Variants in ADK observed in about 807,000 individuals in gnomAD.
ADK encodes the protein N6,N6-dimethyladenosine kinase.
ADK carries 24 observed loss-of-function variants against 44.7 expected under a neutral mutation model. The ratio of observed to expected loss-of-function variants is 0.54; its 90% CI spans 0.39 to 0.76. ADK has a LOEUF of 0.76. Among genes scored for constraint, ADK ranks in the 30% least tolerant of loss-of-function variants. The probability of loss-of-function intolerance (pLI) is 0.00; values close to 1 mark genes in which losing one functional copy is unlikely to be tolerated. For missense variants in ADK, 321 were observed against 425.1 expected (o/e 0.76, Z 2.15); for synonymous variants, 128 against 142.6 (o/e 0.90, Z 0.73).
At chr10:74,686,979 A>G (rs1473974780) in intron 10 of ADK, among the ~76,000 whole-genome samples, 2 of 152,134 alleles carry the variant, frequency 1.3e-5, no homozygotes, top group African/African-American at 4.8e-5. Context: ...CCTGGCCGTT[A>G]CTTAACATCT....
chr10:74,385,799 T>C (rs149969787), intron 4 of ADK, among the ~76,000 whole-genome samples: 41 of 152,308 alleles, frequency 2.7e-4, no homozygotes, highest in African/African-American at 8.9e-4. Context: ...GATGAACTTA[T>C]ATATCTGAGT....
At chr10:74,610,605 A>G (rs1002027609) in intron 9 of ADK, among the ~76,000 whole-genome samples, 5 of 152,140 alleles carry the variant, frequency 3.3e-5, no homozygotes, top group African/African-American at 1.2e-4. Flanking sequence ...TTCAATTTAA[A>G]AAAAATTAAA....
chr10:74,470,113 C>T (rs924239885), intron 6 of ADK, among the ~76,000 whole-genome samples: 1 of 151,446 alleles, frequency 6.6e-6, no homozygotes, highest in Admixed American at 6.6e-5. Flanking sequence ...CAACCTCTGC[C>T]TCCTGGATTT....
At chr10:74,226,170 T>A (rs1189633682) in intron 3 of ADK, among the ~76,000 whole-genome samples, 1 of 152,126 alleles carries the variant, frequency 6.6e-6, no homozygotes, top group Non-Finnish European at 1.5e-5. Flanking sequence ...TGTGGTGGCA[T>A]GATCTTGGCT....
chr10:74,611,090 C>T (rs572574759), intron 9 of ADK, among the ~76,000 whole-genome samples: 1 of 152,214 alleles, frequency 6.6e-6, no homozygotes, highest in Admixed American at 6.6e-5. Flanking sequence ...TACAATGACA[C>T]AATCATGGCT....
chr10:74,502,542 T>A (rs1039850212), intron 6 of ADK, among the ~76,000 whole-genome samples: 9 of 152,234 alleles, frequency 5.9e-5, no homozygotes, highest in South Asian at 2.1e-4. Flanking sequence ...TTAAAAAAAA[T>A]TTCAAAATAA....
chr10:74,482,004 C>T (rs1249185453), intron 6 of ADK, among the ~76,000 whole-genome samples: 1 of 152,150 alleles, frequency 6.6e-6, no homozygotes, highest in African/African-American at 2.4e-5. Flanking sequence ...AGTTTTTAGT[C>T]ACTTTCAGCT....
At position 74,525,263 on chromosome 10, in the gene ADK, T is replaced by C. The variant is rs771883792; in HGVS notation, c.563T>C (p.Phe188Ser). ...KARVCYIAGFFLTVSPESVLK... is the reference protein window; with the variant it reads ...KARVCYIAGFSLTVSPESVLK... ...CCTTTTTTCTTCATCCAGGGCTTTT[T>C]TCTTACAGTTTCCCCAGAGTCAGTA... Residue 188 changes from phenylalanine (F) to serine (S), a missense_variant, in exon 7 of 11, where the codon TTT (phenylalanine) becomes TCT (serine). Transcript: ENST00000539909. 2.5e-6 allele frequency: 4 copies of C among 1,613,840 alleles called. No individual in the cohort carries two copies.
chr10:74,407,435 G>A (rs1843988095), intron 6 of ADK, among the ~76,000 whole-genome samples: 2 of 152,138 alleles, frequency 1.3e-5, no homozygotes, highest in South Asian at 4.1e-4. Context: ...GTTGTCATGT[G>A]CTTTCGGAAT....
chr10:74,273,592 G>A (rs1446009111), intron 3 of ADK, among the ~76,000 whole-genome samples: 1 of 152,012 alleles, frequency 6.6e-6, no homozygotes, highest in Non-Finnish European at 1.5e-5. Flanking sequence ...TGAGTAGCTG[G>A]GATTACAGGT....
At chr10:74,203,298 T>G (rs1843464890) in intron 2 of ADK, among the ~76,000 whole-genome samples, 1 of 152,138 alleles carries the variant, frequency 6.6e-6, no homozygotes, top group Non-Finnish European at 1.5e-5. Context: ...TCTATTCCAT[T>G]GATACATATG....
At chr10:74,455,636 A>C (rs1196045217) in intron 6 of ADK, among the ~76,000 whole-genome samples, 3 of 152,008 alleles carry the variant, frequency 2.0e-5, no homozygotes, top group Non-Finnish European at 4.4e-5. Context: ...CAGCTGCCCT[A>C]GTAGCTGGGA....
chr10:74,293,587 A>G (rs1018230932), intron 3 of ADK, among the ~76,000 whole-genome samples: 10 of 151,998 alleles, frequency 6.6e-5, no homozygotes, highest in African/African-American at 1.9e-4. Context: ...GAGCTTTCTT[A>G]TATCTTATAG....
intron 2 of ADK, among the ~76,000 whole-genome samples, chr10:74,220,103 C>T (rs906219931): frequency 6.6e-6 from 1 of 151,732 alleles, no homozygotes; most frequent in Admixed American, 6.6e-5. Flanking sequence ...AAAGGATCAA[C>T]AAAATTGATA....
intron 9 of ADK, among the ~76,000 whole-genome samples, chr10:74,627,713 A>G (rs1484858695): frequency 6.6e-6 from 1 of 151,826 alleles, no homozygotes; most frequent in Non-Finnish European, 1.5e-5. Flanking sequence ...GCTCACTGCA[A>G]CCTCCGCCCC....
chr10:74,246,050 G>A (rs2132318202), intron 3 of ADK, among the ~76,000 whole-genome samples: 1 of 152,082 alleles, frequency 6.6e-6, no homozygotes, highest in South Asian at 2.1e-4. Context: ...ATTATTGTCA[G>A]CCTGCATCAG....
At chr10:74,286,105 T>G (rs1254896439) in intron 3 of ADK, among the ~76,000 whole-genome samples, 2 of 152,172 alleles carry the variant, frequency 1.3e-5, no homozygotes, top group South Asian at 4.1e-4. Flanking sequence ...CAGGCTAGAG[T>G]GCAGGAGCAT....
chr10:74,641,070 A>C (rs907832804), intron 9 of ADK, among the ~76,000 whole-genome samples: 3 of 152,230 alleles, frequency 2.0e-5, no homozygotes, highest in Non-Finnish European at 4.4e-5. Flanking sequence ...GGTGTCTGCA[A>C]CACCTGTGAC....
At chr10:74,659,310 T>C (rs1350578917) in intron 9 of ADK, among the ~76,000 whole-genome samples, 2 of 152,264 alleles carry the variant, frequency 1.3e-5, no homozygotes, top group African/African-American at 4.8e-5. Flanking sequence ...TTCTTGGTCA[T>C]TTTTCCATGG....
Sources: allele counts gnomAD v4.1 joint callset (sites outside exome capture counted in the v4.1 genomes callset), GRCh38; gene constraint gnomAD v4.1.1; transcripts MANE v1.5; gene names NCBI Gene and HGNC (gene_info 2026-07-23, HGNC 2026-07-21).